KRABD3: variants seen among roughly 807,000 people sequenced by gnomAD.
The protein encoded by KRABD3 is KRAB domain containing 3.
the KRABD3 span, chr7:149,722,516 G>A: frequency 1.1e-5 from 15 of 1,407,052 alleles, 1 homozygote; most frequent in Middle Eastern, 2.2e-4. Context: ...GCAGGAGGAA[G>A]AGCCACAGAG....
At chr7:149,730,186 G>A in the KRABD3 span, 2 of 1,572,098 alleles carry the variant, frequency 1.3e-6, no homozygotes, top group Non-Finnish European at 1.7e-6. Context: ...TGCCTGGAGA[G>A]CGCCCTGAGG....
the KRABD3 span, chr7:149,723,942 G>C: frequency 6.3e-7 from 1 of 1,591,030 alleles, no homozygotes; most frequent in Non-Finnish European, 8.6e-7. Context: ...ACATTACCCT[G>C]CCCCAGGCAG....
chr7:149,722,002 C>T, the KRABD3 span: 10 of 370,906 alleles, frequency 2.7e-5, no homozygotes, highest in Middle Eastern at 3.1e-3. Flanking sequence ...AAAAGTACTT[C>T]AAATTTATAT....
the KRABD3 span, chr7:149,725,967 G>T: frequency 1.2e-6 from 2 of 1,607,616 alleles, no homozygotes; most frequent in East Asian, 2.2e-5. Flanking sequence ...GGCCCCCCGA[G>T]GAACCCCCAC....
the KRABD3 span, chr7:149,733,491 G>A: frequency 3.8e-6 from 6 of 1,581,582 alleles, no homozygotes; most frequent in Non-Finnish European, 5.2e-6. Flanking sequence ...CAAGGCCCTG[G>A]GCCAATGGGC....
the KRABD3 span, chr7:149,723,963 G>A: frequency 6.6e-7 from 1 of 1,518,914 alleles, no homozygotes; most frequent in Non-Finnish European, 8.9e-7. Flanking sequence ...GGCTGTAGGT[G>A]GCCCCCACCA....
chr7:149,718,513 C>CTTTTTTTTT, the KRABD3 span, among the ~76,000 whole-genome samples: 13 of 81,964 alleles, frequency 1.6e-4, no homozygotes, highest in East Asian at 3.6e-4. Context: ...CACTGAAGGA[C>CTTTTTTTTT]TTTTTTTTTT....
the KRABD3 span, chr7:149,733,951 C>T: frequency 3.1e-6 from 5 of 1,601,236 alleles, no homozygotes; most frequent in South Asian, 4.5e-5. Flanking sequence ...CAGAGCGGCC[C>T]AAGGAGCCGA....
the KRABD3 span, chr7:149,715,169 G>A: frequency 8.1e-7 from 1 of 1,227,226 alleles, no homozygotes; most frequent in Non-Finnish European, 1.0e-6. Context: ...TCGGCTGGGT[G>A]AGGCTGGGCA....
At chr7:149,726,343 T>A in the KRABD3 span, among the ~76,000 whole-genome samples, 1 of 152,130 alleles carries the variant, frequency 6.6e-6, no homozygotes, top group African/African-American at 2.4e-5. Flanking sequence ...ACGCCTGTAC[T>A]CCCAGCACTT....
chr7:149,724,989 T>C, the KRABD3 span: 1 of 736,036 alleles, frequency 1.4e-6, no homozygotes, highest in Non-Finnish European at 2.1e-6. Flanking sequence ...AATCCCTTCA[T>C]CCACAGCCTC....
the KRABD3 span, chr7:149,729,383 C>G: frequency 6.9e-7 from 1 of 1,447,894 alleles, no homozygotes; most frequent in East Asian, 2.7e-5. Context: ...GAGCTGGCAC[C>G]TGCCCTCGGT....
the KRABD3 span, chr7:149,730,518 G>C: frequency 6.2e-7 from 1 of 1,611,510 alleles, no homozygotes. Context: ...GGCAGCCCTG[G>C]TGAAGACCCC....
the KRABD3 span, chr7:149,733,469 G>A: frequency 6.3e-7 from 1 of 1,582,606 alleles, no homozygotes; most frequent in Non-Finnish European, 8.6e-7. Flanking sequence ...GAATCGGCTG[G>A]GGAGGCGCCC....
At chr7:149,725,963 C>G in the KRABD3 span, 7 of 1,605,806 alleles carry the variant, frequency 4.4e-6, no homozygotes, top group South Asian at 2.2e-5. Context: ...CCCTGGCCCC[C>G]CGAGGAACCC....
the KRABD3 span, chr7:149,733,306 G>A: frequency 6.2e-7 from 1 of 1,612,554 alleles, no homozygotes; most frequent in Non-Finnish European, 8.5e-7. Context: ...CTCCTGTGTT[G>A]CCAGCCTCCT....
At chr7:149,729,830 C>A in the KRABD3 span, 2 of 985,420 alleles carry the variant, frequency 2.0e-6, no homozygotes, top group Non-Finnish European at 2.4e-6. Context: ...AGGGATGGCA[C>A]CTGCCTGGTG....
At chr7:149,722,928 C>T in the KRABD3 span, 25 of 1,605,042 alleles carry the variant, frequency 1.6e-5, no homozygotes, top group African/African-American at 3.1e-4. Context: ...CCAGAGCAGA[C>T]CTGGGGCCTG....
chr7:149,731,745 G>A, the KRABD3 span: 10 of 1,611,956 alleles, frequency 6.2e-6, no homozygotes, highest in East Asian at 2.2e-5. Context: ...CCAGAGGCCT[G>A]GAGCTTGGAC....
Sources: allele counts gnomAD v4.1 joint callset (sites outside exome capture counted in the v4.1 genomes callset), GRCh38; gene constraint gnomAD v4.1.1; transcripts MANE v1.5; gene names NCBI Gene and HGNC (gene_info 2026-07-23, HGNC 2026-07-21).